Variants in KLHL1 observed in about 807,000 individuals in gnomAD.
KLHL1 encodes kelch like family member 1, also known as kelch-like protein 1.
KLHL1 carries 47 observed loss-of-function variants against 77.7 expected under a neutral mutation model. That is an observed-to-expected ratio of 0.60 (90% CI 0.48 to 0.77). The LOEUF is 0.77. KLHL1 is among the 30% of genes least tolerant of loss of function. The pLI is 0.00. For synonymous variants in KLHL1, 360 were observed against 325.2 expected, an observed-to-expected ratio of 1.11 and a Z score of -1.15; for missense variants, 925 against 910.8, an observed-to-expected ratio of 1.02 and a Z score of -0.20.
chr13:69,725,214 A>T (rs1263744073), intron 8 of KLHL1, among the ~76,000 whole-genome samples: 2 of 152,180 alleles, frequency 1.3e-5, no homozygotes. Flanking sequence ...ATATCCTGAA[A>T]ATATGTTATG....
rs747618338 is a variant in KLHL1, at chr13:70,085,751, C to A, written c.497+21452G>T. Among the ~76,000 whole-genome samples, 10 of 152,214 alleles carry A rather than the reference C, an allele frequency of 6.6e-5. No homozygotes were observed. The East Asian group carries it at 1.7e-3, about 27-fold the overall frequency. The stretch of plus-strand genomic sequence containing the variant: ...TGGTGGAAGGCACCTGTAATCCCAG[C>A]TACTCTGGAGGCTGAGGCAAGAGAA... On this transcript the variant is annotated intron_variant, in intron 1 of 10. Coordinates refer to ENST00000377844, the MANE Select transcript of KLHL1 (RefSeq NM_020866.3).
At chr13:69,752,095 T>C (rs1874512359) in intron 7 of KLHL1, among the ~76,000 whole-genome samples, 1 of 152,148 alleles carries the variant, frequency 6.6e-6, no homozygotes, top group African/African-American at 2.4e-5. Flanking sequence ...AAGGATTTAA[T>C]GAAGCGATAT....
In KLHL1 at chr13:69,842,371, G is replaced by A. The variant is rs75355572; in HGVS notation, c.1228-3209C>T. On this transcript the variant is annotated intron_variant, in intron 5 of 10. Transcript: ENST00000377844. ...AAGAAAAAACTAATCCCATTAAAAA[G>A]TGGGCGAAGGACATGACTAGGTATT... Among the ~76,000 whole-genome samples, 883 of 151,878 alleles carry A rather than the reference G, an allele frequency of 5.8e-3. 14 individuals carry two copies. Among genetic ancestry groups the A allele is most frequent in the African/African-American group, 0.02 (828 of 41,490 alleles).
intron 1 of KLHL1, among the ~76,000 whole-genome samples, chr13:70,037,639 A>T (rs1292892371): frequency 1.3e-5 from 2 of 151,970 alleles, no homozygotes; most frequent in African/African-American, 4.8e-5. Context: ...ATATGTTAGA[A>T]CTTAACCCTC....
intron 7 of KLHL1, among the ~76,000 whole-genome samples, chr13:69,774,364 T>G (rs1268045765): frequency 6.6e-6 from 1 of 151,894 alleles, no homozygotes; most frequent in East Asian, 1.9e-4. Context: ...CTTGTTAAAC[T>G]TTAATATATT....
At chr13:69,767,504 C>T (rs919240925) in intron 7 of KLHL1, among the ~76,000 whole-genome samples, 2 of 152,000 alleles carry the variant, frequency 1.3e-5, no homozygotes, top group African/African-American at 2.4e-5. Flanking sequence ...TGAGACCAGC[C>T]TGGGTAACAT....
At chr13:69,735,622 G>C (rs1873734118) in intron 8 of KLHL1, among the ~76,000 whole-genome samples, 1 of 150,326 alleles carries the variant, frequency 6.7e-6, no homozygotes, top group African/African-American at 2.4e-5. Context: ...AATAACCTCA[G>C]AAAGAAAGAA....
chr13:69,755,929 A>G (rs892750199), intron 7 of KLHL1, among the ~76,000 whole-genome samples: 3 of 152,142 alleles, frequency 2.0e-5, no homozygotes, highest in Non-Finnish European at 2.9e-5. Flanking sequence ...AAAATTTCTT[A>G]ATCTTTTTGA....
intron 6 of KLHL1, among the ~76,000 whole-genome samples, chr13:69,830,832 T>G (rs1361264470): frequency 2.0e-5 from 3 of 150,072 alleles, no homozygotes; most frequent in Non-Finnish European, 4.4e-5. Flanking sequence ...AGTTAAGTAA[T>G]CTGATCCTGA....
intron 5 of KLHL1, among the ~76,000 whole-genome samples, chr13:69,868,635 G>A (rs75388120): frequency 1.2e-4 from 18 of 151,944 alleles, no homozygotes; most frequent in South Asian, 2.1e-4. Context: ...CAATATCTGC[G>A]TTGTTATTTA....
At chr13:69,736,679 G>GAGATATAT (rs1555264280) in intron 8 of KLHL1, among the ~76,000 whole-genome samples, 2 of 146,234 alleles carry the variant, frequency 1.4e-5, no homozygotes, top group African/African-American at 2.7e-5. Flanking sequence ...GAGATTGTGA[G>GAGATATAT]ATATATATAT....
Position 69,832,646 on chromosome 13 carries a change from A to AAAC in KLHL1, c.1414+6327_1414+6329dup, listed in dbSNP as rs377565783. On this transcript the variant is annotated intron_variant, in intron 6 of 10. Transcript: ENST00000377844. Reference sequence around the variant, plus strand: ...GAGCCTGCCTAGCCAAAGCAAGACTAAACAACAACAACAACAACAACAACA... The same window carrying AAAC: ...GAGCCTGCCTAGCCAAAGCAAGACTAAACAACAACAACAACAACAACAACAACA... Among the ~76,000 whole-genome samples the AAAC allele has an allele frequency of 1.3e-3, 174 of 135,690 alleles. 4 individuals carry two copies. The highest frequency in any genetic ancestry group is 9.7e-3 in the East Asian group (49 of 5,056). The allele number at this position is 135,690 out of a possible 152,430, so 89.0% of individuals were successfully genotyped here.
In KLHL1 at chr13:70,031,595, G is replaced by A. The variant is rs1886102408; in HGVS notation, c.498-55793C>T. Among the ~76,000 whole-genome samples the A allele has an allele frequency of 3.9e-5, 6 of 152,262 alleles. No homozygotes were observed. In the South Asian group the frequency reaches 1.0e-3, roughly 26 times the overall value. On this transcript the variant is annotated intron_variant, in intron 1 of 10. Transcript: ENST00000377844. Reference sequence around the variant, plus strand: ...GTTCCCAAATACCAGCCAAAGACAGGTTATAGTTCCTCGTGCTATTTATAA... The same window carrying A: ...GTTCCCAAATACCAGCCAAAGACAGATTATAGTTCCTCGTGCTATTTATAA...
chr13:69,704,185 G>GT (rs1875525928), intron 10 of KLHL1, among the ~76,000 whole-genome samples: 2 of 147,596 alleles, frequency 1.4e-5, no homozygotes, highest in Non-Finnish European at 3.0e-5. Context: ...AATCCTTTCT[G>GT]TTTTTTCAAA....
At position 70,061,046 on chromosome 13, in the gene KLHL1, T is replaced by C. The variant is rs972382867; in HGVS notation, c.497+46157A>G. Among the ~76,000 whole-genome samples, 7 of 152,072 alleles carry C rather than the reference T, an allele frequency of 4.6e-5. 1 individual carries two copies. In the South Asian group the frequency reaches 1.5e-3, roughly 32 times the overall value. Reference sequence around the variant, plus strand: ...ATTAAAACAATTGATCTCAGGGAGATAGAGAATAGAATGCCGGTACCACAG... The same window carrying C: ...ATTAAAACAATTGATCTCAGGGAGACAGAGAATAGAATGCCGGTACCACAG... On this transcript the variant is annotated intron_variant, in intron 1 of 10. Transcript: ENST00000377844.
intron 4 of KLHL1, among the ~76,000 whole-genome samples, chr13:69,900,823 A>G (rs1881828803): frequency 6.6e-6 from 1 of 152,234 alleles, no homozygotes; most frequent in African/African-American, 2.4e-5. Context: ...ATCTGTCCTT[A>G]TTAAACTACC....
intron 5 of KLHL1, among the ~76,000 whole-genome samples, chr13:69,839,408 A>T (rs1879155562): frequency 6.6e-6 from 1 of 151,870 alleles, no homozygotes; most frequent in East Asian, 1.9e-4. Context: ...TAAAAAAAAC[A>T]CTTATAGTGA....
At chr13:69,820,648 A>C (rs1878296663) in intron 6 of KLHL1, among the ~76,000 whole-genome samples, 1 of 152,214 alleles carries the variant, frequency 6.6e-6, no homozygotes, top group Admixed American at 6.5e-5. Flanking sequence ...GCCTCTGGAG[A>C]TTCAACCTCA....
chr13:69,848,250 G>T (rs1274980664), intron 5 of KLHL1, among the ~76,000 whole-genome samples: 2 of 151,464 alleles, frequency 1.3e-5, no homozygotes, highest in African/African-American at 4.8e-5. Context: ...TGGAAACTTG[G>T]CAGTATGAGA....
Sources: allele counts gnomAD v4.1 joint callset (sites outside exome capture counted in the v4.1 genomes callset), GRCh38; gene constraint gnomAD v4.1.1; transcripts MANE v1.5; gene names NCBI Gene and HGNC (gene_info 2026-07-23, HGNC 2026-07-21).